SERINC5: variants seen among roughly 807,000 people sequenced by gnomAD.
SERINC5 encodes serine incorporator 5.
SERINC5 carries 41 observed loss-of-function variants against 63.1 expected under a neutral mutation model. The observed-to-expected ratio is 0.65, with a 90% CI of 0.51 to 0.84. The LOEUF is 0.84. Among genes scored for constraint, SERINC5 ranks in the 40% least tolerant of loss-of-function variants. The pLI is 0.00. For synonymous variants in SERINC5, 222 were observed against 215.2 expected (o/e 1.03, Z -0.28); for missense variants, 523 against 573.0 (o/e 0.91, Z 0.89).
chr5:80,177,698 GGT>G (rs1261823059), intron 3 of SERINC5, among the ~76,000 whole-genome samples, 186 bp downstream of exon 3: 2 of 152,142 alleles, frequency 1.3e-5, no homozygotes, highest in African/African-American at 4.8e-5. Flanking sequence ...CATGGTACCA[GGT>G]GTTACAAATA....
chr5:80,225,297 T>C (rs988290132), intron 1 of SERINC5, among the ~76,000 whole-genome samples: 1 of 152,210 alleles, frequency 6.6e-6, no homozygotes. Flanking sequence ...TCTATTATAA[T>C]GAGAAAGTGG....
chr5:80,146,043 A>C, intron 11 of SERINC5, 47 bp downstream of exon 11: 2 of 1,605,118 alleles, frequency 1.2e-6, no homozygotes, highest in Non-Finnish European at 1.7e-6. Flanking sequence ...TTAACTCTTA[A>C]CTTTAAGGCT....
chr5:80,182,054 G>C (rs528863755), intron 2 of SERINC5, among the ~76,000 whole-genome samples: 5 of 152,284 alleles, frequency 3.3e-5, no homozygotes, highest in African/African-American at 1.2e-4. Flanking sequence ...ATTGTGTACG[G>C]TTTGCAATAC....
intron 1 of SERINC5, among the ~76,000 whole-genome samples, chr5:80,243,374 G>A (rs1752032308): frequency 6.6e-6 from 1 of 151,940 alleles, no homozygotes; most frequent in Non-Finnish European, 1.5e-5. Context: ...ATTGTTAAAG[G>A]GGATTTTATC....
At chr5:80,216,677 G>GA (rs1322667944) in intron 1 of SERINC5, among the ~76,000 whole-genome samples, 11 of 152,034 alleles carry the variant, frequency 7.2e-5, no homozygotes, top group African/African-American at 2.4e-4. Context: ...GAGACTGGGA[G>GA]AAAACAAAAG....
intron 11 of SERINC5, among the ~76,000 whole-genome samples, chr5:80,123,967 CA>C (rs1416845452): frequency 6.6e-6 from 1 of 152,136 alleles, no homozygotes; most frequent in Non-Finnish European, 1.5e-5. Flanking sequence ...AGGTAAATTT[CA>C]GAAGATTTTA....
intron 2 of SERINC5, among the ~76,000 whole-genome samples, chr5:80,185,409 C>T (rs992429346): frequency 1.3e-5 from 2 of 152,168 alleles, no homozygotes; most frequent in Admixed American, 1.3e-4. Flanking sequence ...CTGAGAATTA[C>T]ATCAGATAAC....
chr5:80,228,225 TGAGG>T (rs905562735), intron 1 of SERINC5, among the ~76,000 whole-genome samples: 1 of 93,526 alleles, frequency 1.1e-5, no homozygotes, highest in Non-Finnish European at 2.1e-5. Context: ...GCAGAGTGAG[TGAGG>T]GAGGGAGGGA....
rs1745397162 is a variant in SERINC5, at chr5:80,139,890, A to G, written c.*3773T>C. The G allele has an allele frequency of 1.0e-6, 1 of 985,420 alleles. No individual in the cohort carries two copies. The highest frequency in any genetic ancestry group is 1.2e-6 in the Non-Finnish European group (1 of 829,936). The allele number at this position is 985,420 out of a possible 1,614,324, so 61.0% of individuals were successfully genotyped here. On this transcript the variant is annotated 3_prime_UTR_variant, in exon 12 of 12. Transcript: ENST00000507668. ...TCGTTTCCAAGAGGTATAGGACACT[A>G]GAGTACACCAAATGAGATACTATTT...
intron 1 of SERINC5, among the ~76,000 whole-genome samples, chr5:80,250,380 T>C (rs980437895): frequency 1.1e-4 from 16 of 152,234 alleles, no homozygotes; most frequent in African/African-American, 3.9e-4. Flanking sequence ...CTCGCTGTCT[T>C]GCCCAAGCTG....
intron 1 of SERINC5, among the ~76,000 whole-genome samples, chr5:80,220,893 G>A (rs137962110): frequency 2.0e-5 from 3 of 152,248 alleles, no homozygotes; most frequent in East Asian, 1.9e-4. Context: ...TGGGAGGAGC[G>A]TGGATGTATG....
chr5:80,150,687 C>T (rs574790681), intron 9 of SERINC5, among the ~76,000 whole-genome samples, 195 bp downstream of exon 9: 2 of 152,190 alleles, frequency 1.3e-5, no homozygotes, highest in Non-Finnish European at 1.5e-5. Context: ...CCACCCGCCT[C>T]GGACTCCCAA....
chr5:80,169,551 T>C lies in SERINC5; in HGVS notation c.552-5A>G. On this transcript the variant is annotated splice_polypyrimidine_tract_variant and splice_region_variant and intron_variant, in intron 5 of 11. Coordinates refer to ENST00000507668, the MANE Select transcript of SERINC5 (RefSeq NM_001174072.3). ...TTACTGGCTGTGCCTGCTGTCCTGTTTCTCCGGGAAGTGGGTAAGAGGGAG... is the reference window on the plus strand; with the variant it reads ...TTACTGGCTGTGCCTGCTGTCCTGTCTCTCCGGGAAGTGGGTAAGAGGGAG... The C allele has an allele frequency of 6.2e-7, 1 of 1,609,434 alleles. No individual in the cohort carries two copies. Among genetic ancestry groups the C allele is most frequent in the African/African-American group, 1.3e-5 (1 of 74,908 alleles).
intron 1 of SERINC5, among the ~76,000 whole-genome samples, chr5:80,232,566 A>ATC (rs1319806406): frequency 6.6e-6 from 1 of 152,100 alleles, no homozygotes; most frequent in East Asian, 1.9e-4. Flanking sequence ...CGGGTGGATC[A>ATC]TGAGGTCAGG....
chr5:80,130,172 G>C (rs960890981), intron 11 of SERINC5, among the ~76,000 whole-genome samples: 14 of 152,090 alleles, frequency 9.2e-5, no homozygotes, highest in Admixed American at 9.2e-4. Flanking sequence ...TTGAGGTCAG[G>C]AGTTCAAGAC....
intron 1 of SERINC5, among the ~76,000 whole-genome samples, chr5:80,247,143 T>A (rs1401625463): frequency 6.6e-6 from 1 of 152,216 alleles, no homozygotes; most frequent in Non-Finnish European, 1.5e-5. Context: ...CATATCAGCT[T>A]ATATGAAGAC....
chr5:80,113,669 A>G (rs768120029), intron 11 of SERINC5: 7 of 237,762 alleles, frequency 2.9e-5, no homozygotes, highest in South Asian at 9.5e-5. Context: ...AAGCAAAAGC[A>G]GAAAACCCTG....
chr5:80,163,068 T>C (rs1747048567), intron 7 of SERINC5, among the ~76,000 whole-genome samples: 1 of 151,702 alleles, frequency 6.6e-6, no homozygotes, highest in African/African-American at 2.4e-5. Flanking sequence ...TTGGCCAAGC[T>C]GGTCTCAAGC....
At chr5:80,162,214 C>T (rs78174795) in intron 7 of SERINC5, among the ~76,000 whole-genome samples, 23,051 of 95,286 alleles carry the variant, frequency 0.24, 1,969 homozygotes, top group South Asian at 0.43. Flanking sequence ...TCTGTTGTTT[C>T]TATACAAATT....
Sources: allele counts gnomAD v4.1 joint callset (sites outside exome capture counted in the v4.1 genomes callset), GRCh38; gene constraint gnomAD v4.1.1; transcripts MANE v1.5; gene names NCBI Gene and HGNC (gene_info 2026-07-23, HGNC 2026-07-21).